PTPN14: variants seen among roughly 807,000 people sequenced by gnomAD.
The protein encoded by PTPN14 is tyrosine-protein phosphatase non-receptor type 14.
Under a neutral mutation model 126.8 loss-of-function variants are expected in PTPN14, and 53 were observed. That is an observed-to-expected ratio of 0.42 (90% CI 0.34 to 0.53). The LOEUF (loss-of-function observed/expected upper bound fraction) is 0.53. Among genes scored for constraint, PTPN14 ranks in the 20% least tolerant of loss-of-function variants. The pLI, the probability that PTPN14 is intolerant of heterozygous loss-of-function variation, is 0.08. For missense variants in PTPN14, 1,257 were observed against 1,552.9 expected (o/e 0.81, Z 3.20); for synonymous variants, 630 against 599.3 (o/e 1.05, Z -0.75).
Position 214,464,755 on chromosome 1 carries a change from T to C in PTPN14, c.49A>G (p.Ser17Gly), listed in dbSNP as rs1308483071. 1.2e-6 allele frequency: 2 copies of C among 1,614,284 alleles called. No individual in the cohort carries two copies. The highest frequency in any genetic ancestry group is 1.1e-5 in the South Asian group (1 of 91,092). ...LRRTRRYNVL[S>G]KNCFVTRIRL... ...ATCCGTGTGACAAAGCAGTTCTTGC[T>C]CAGGACGTTGTAGCGCCGTGTCCGG... The change falls in exon 2 of 19, where the codon AGC becomes GGC. Residue 17 changes from serine to glycine, a missense_variant. By Grantham distance (56) the Ser-to-Gly change is moderately conservative. Coordinates refer to ENST00000366956, the MANE Select transcript of PTPN14 (RefSeq NM_005401.5).
intron 2 of PTPN14, among the ~76,000 whole-genome samples, chr1:214,452,649 T>C (rs1031617952): frequency 2.0e-5 from 3 of 152,108 alleles, no homozygotes; most frequent in Non-Finnish European, 4.4e-5. Flanking sequence ...GTGGGATTTG[T>C]TAGATGAAAG....
rs138031903 is a variant in PTPN14, at chr1:214,357,986, A to G, written c.3500T>C (p.Ile1167Thr). The G allele has an allele frequency of 3.8e-5, 62 of 1,613,470 alleles. No individual in the cohort carries two copies. The African/African-American group carries it at 4.7e-4, about 12-fold the overall frequency. Residue 1167 changes from isoleucine (I) to threonine (T), a missense_variant, in exon 19 of 19, where the codon ATC becomes ACC. Transcript: ENST00000366956. ...TTGGTAGACAAACTTGTACTGAGCG[A>G]TAGTCTGGATCATGAACATCCTCTG... ...REQRMFMIQTIAQYKFVYQVL... is the reference protein window; with the variant it reads ...REQRMFMIQTTAQYKFVYQVL...
At chr1:214,444,136 T>C (rs1429415652) in intron 3 of PTPN14, among the ~76,000 whole-genome samples, 1 of 152,210 alleles carries the variant, frequency 6.6e-6, no homozygotes, top group Non-Finnish European at 1.5e-5. Flanking sequence ...GGGAAGGTAA[T>C]TCTTCTTCCC....
intron 2 of PTPN14, among the ~76,000 whole-genome samples, chr1:214,456,632 G>A (rs1408760453): frequency 6.6e-6 from 1 of 152,084 alleles, no homozygotes; most frequent in Non-Finnish European, 1.5e-5. Context: ...GACCCAAGAA[G>A]CAAGTCCCAT....
chr1:214,411,832 C>T (rs995727295), intron 4 of PTPN14, 81 bp from the exon 5 acceptor site: 1 of 771,230 alleles, frequency 1.3e-6, no homozygotes, highest in South Asian at 2.0e-5. Context: ...CTCATCACTA[C>T]ATTATTCTTC....
rs1261493205 is a variant in PTPN14 at position 214,393,584 on chromosome 1, C to G, written c.929+111G>C. ...CTTTAGCTTACTTCATTAGCTTCTACAAGGAACAAGGAAAAAGAGTGAATA... is the reference window on the plus strand; with the variant it reads ...CTTTAGCTTACTTCATTAGCTTCTAGAAGGAACAAGGAAAAAGAGTGAATA... On this transcript the variant is annotated intron_variant, in intron 10 of 18. Coordinates refer to ENST00000366956, the MANE Select transcript of PTPN14 (RefSeq NM_005401.5). 11 of 888,502 alleles carry G rather than the reference C, an allele frequency of 1.2e-5. No individual in the cohort carries two copies. In the East Asian group the frequency reaches 2.4e-4, roughly 19 times the overall value. 55.0% of individuals were successfully genotyped at this position (888,502 alleles called of 1,614,324 possible).
intron 1 of PTPN14, among the ~76,000 whole-genome samples, chr1:214,521,725 C>A (rs1039424752): frequency 1.3e-5 from 2 of 149,162 alleles, no homozygotes; most frequent in East Asian, 2.0e-4. Flanking sequence ...CAAAGCACAC[C>A]CACACACACA....
chr1:214,427,863 A>T (rs1411054822), intron 3 of PTPN14, among the ~76,000 whole-genome samples: 1 of 152,192 alleles, frequency 6.6e-6, no homozygotes, highest in Non-Finnish European at 1.5e-5. Flanking sequence ...AATGGCAAGT[A>T]GAAAGGCTTT....
intron 3 of PTPN14, among the ~76,000 whole-genome samples, chr1:214,423,232 G>C (rs1487873811): frequency 2.0e-5 from 3 of 152,094 alleles, no homozygotes; most frequent in Non-Finnish European, 2.9e-5. Flanking sequence ...AGGTGGAGGT[G>C]GGAGAACCAA....
Position 214,357,971 on chromosome 1 carries a change from A to C in PTPN14, c.3515T>G (p.Phe1172Cys). The C allele has an allele frequency of 6.2e-7, 1 of 1,613,554 alleles. No individual in the cohort carries two copies. Among genetic ancestry groups the C allele is most frequent in the Middle Eastern group, 1.7e-4 (1 of 5,898 alleles). ...FMIQTIAQYK[F>C]VYQVLIQFLQ... ...GAACTGGATGAGGACTTGGTAGACA[A>C]ACTTGTACTGAGCGATAGTCTGGAT... is the stretch of plus-strand genomic sequence containing the variant. The change falls in exon 19 of 19, where the codon TTT (phenylalanine) becomes TGT (cysteine). Residue 1172 changes from phenylalanine (F) to cysteine (C), a missense_variant. By Grantham distance (205) the Phe-to-Cys change is radical (BLOSUM62 -2). Transcript: ENST00000366956.
rs1657843682 is a variant in PTPN14 at position 214,357,257 on chromosome 1, ACTGTCTTTAGCTATT to A, written c.*650_*664del. On this transcript the variant is annotated 3_prime_UTR_variant, in exon 19 of 19. Coordinates refer to ENST00000366956, the MANE Select transcript of PTPN14 (RefSeq NM_005401.5). ...GCAATTACTGCATTGTAAAGGCAGC[ACTGTCTTTAGCTATT>A]CTGTCTTTAACTCAAGCTTGGGGGG... 1 of 147,568 alleles carries A rather than the reference ACTGTCTTTAGCTATT, an allele frequency of 6.8e-6. No individual in the cohort carries two copies. Among genetic ancestry groups the A allele is most frequent in the African/African-American group, 2.5e-5 (1 of 39,926 alleles). 9.1% of individuals were successfully genotyped at this position (147,568 alleles called of 1,614,324 possible).
intron 15 of PTPN14, among the ~76,000 whole-genome samples, chr1:214,374,556 C>T (rs1553259569): frequency 6.6e-6 from 1 of 152,226 alleles, no homozygotes; most frequent in Non-Finnish European, 1.5e-5. Flanking sequence ...AGATTTCACA[C>T]ATGTGATTCC....
chr1:214,454,467 C>T (rs1416249139), intron 2 of PTPN14, among the ~76,000 whole-genome samples: 1 of 152,116 alleles, frequency 6.6e-6, no homozygotes, highest in Non-Finnish European at 1.5e-5. Context: ...CCAGACCTGA[C>T]CTCCACCCCA....
At chr1:214,468,492 G>A (rs987525126) in intron 1 of PTPN14, among the ~76,000 whole-genome samples, 1 of 152,060 alleles carries the variant, frequency 6.6e-6, no homozygotes, top group Non-Finnish European at 1.5e-5. Context: ...GGAGGCAGAG[G>A]TTGCAGTGAG....
chr1:214,536,646 A>G lies in PTPN14; in HGVS notation c.-155+14537T>C, dbSNP rs574285475. 7.2e-5 allele frequency among the ~76,000 whole-genome samples: 11 copies of G among 152,184 alleles called. No homozygotes were observed. The East Asian group carries it at 2.1e-3, about 29-fold the overall frequency. Reference sequence around the variant, plus strand: ...CAAAAAAATAAAAAATTAGCTGGGCATGGTACCACATGCCTGTATTCCTAG... The same window carrying G: ...CAAAAAAATAAAAAATTAGCTGGGCGTGGTACCACATGCCTGTATTCCTAG... On this transcript the variant is annotated intron_variant, in intron 1 of 18. Transcript: ENST00000366956.
chr1:214,471,171 T>G (rs1035579978), intron 1 of PTPN14, among the ~76,000 whole-genome samples: 5 of 151,826 alleles, frequency 3.3e-5, no homozygotes, highest in African/African-American at 1.2e-4. Context: ...GAAAGTGCAG[T>G]AAACCCTGGA....
rs1447832329 is a variant in PTPN14, at chr1:214,354,432, C to A, written c.*3490G>T. Reference sequence around the variant, plus strand: ...ATGCAACTAAATCCTCCTTTACTTCCTATCTGGGGAAAGAAGTGCATACCA... The same window carrying A: ...ATGCAACTAAATCCTCCTTTACTTCATATCTGGGGAAAGAAGTGCATACCA... On this transcript the variant is annotated 3_prime_UTR_variant, in exon 19 of 19. Coordinates refer to ENST00000366956, the MANE Select transcript of PTPN14 (RefSeq NM_005401.5). 6.6e-6 allele frequency: 1 copy of A among 152,132 alleles called. No homozygotes were observed. Among genetic ancestry groups the A allele is most frequent in the Admixed American group, 6.5e-5 (1 of 15,278 alleles). 9.4% of individuals were successfully genotyped at this position (152,132 alleles called of 1,614,324 possible).
intron 2 of PTPN14, among the ~76,000 whole-genome samples, chr1:214,458,305 C>T (rs1660430124): frequency 6.6e-6 from 1 of 152,120 alleles, no homozygotes. Context: ...ATCTTGGCCT[C>T]CCAGTGTTAG....
rs1443792068 is a variant in PTPN14 at position 214,534,325 on chromosome 1, T to C, written c.-155+16858A>G. 3.3e-5 allele frequency among the ~76,000 whole-genome samples: 5 copies of C among 152,180 alleles called. No homozygotes were observed. In the East Asian group the frequency reaches 9.6e-4, roughly 29 times the overall value. Reference sequence around the variant, plus strand: ...AAAATAAATGTAATTTGTTCATCTATGTTTATAGTGATACTTTTTGTAATA... The same window carrying C: ...AAAATAAATGTAATTTGTTCATCTACGTTTATAGTGATACTTTTTGTAATA... On this transcript the variant is annotated intron_variant, in intron 1 of 18. Transcript: ENST00000366956.
Sources: allele counts gnomAD v4.1 joint callset (sites outside exome capture counted in the v4.1 genomes callset), GRCh38; gene constraint gnomAD v4.1.1; transcripts MANE v1.5; gene names NCBI Gene and HGNC (gene_info 2026-07-23, HGNC 2026-07-21).